The following ALG14 variants were observed in gnomAD, a reference collection of about 807,000 sequenced individuals.
The protein encoded by ALG14 is ALG14 UDP-N-acetylglucosaminyltransferase subunit.
Under a neutral mutation model 22.8 loss-of-function variants are expected in ALG14, and 17 were observed. That is an observed-to-expected ratio of 0.75 (90% CI 0.51 to 1.12). The LOEUF (loss-of-function observed/expected upper bound fraction) is 1.12, where lower values mean the gene tolerates loss of function less well. Among genes scored for constraint, ALG14 ranks in the 50% most tolerant of loss-of-function variants. The pLI is 0.00. For missense variants in ALG14, 288 were observed against 271.8 expected (o/e 1.06, Z -0.42); for synonymous variants, 89 against 103.7 (o/e 0.86, Z 0.86).
rs1164093808 is a variant in ALG14, at chr1:94,983,470, T to C, written c.421-164A>G. 3 of 634,234 alleles carry C rather than the reference T, an allele frequency of 4.7e-6. No homozygotes were observed. The South Asian group carries it at 5.9e-5, about 12-fold the overall frequency. 39.3% of individuals were successfully genotyped at this position (634,234 alleles called of 1,614,324 possible). On this transcript the variant is annotated intron_variant, in intron 3 of 3. Transcript: ENST00000370205. The stretch of plus-strand genomic sequence containing the variant: ...AGCAAACAGCGCATGTTTAAGCCCA[T>C]GCACTTTGGAGCCAGGCAGAGCTGT...
chr1:95,062,998 G>A (rs1675218905), intron 2 of ALG14, among the ~76,000 whole-genome samples: 1 of 152,196 alleles, frequency 6.6e-6, no homozygotes, highest in African/African-American at 2.4e-5. Context: ...CATTCTGAGT[G>A]GTGTGAGATG....
At chr1:95,072,665 T>TCCA (rs1039675679) in intron 1 of ALG14, 98 bp downstream of exon 1, 9 of 1,507,346 alleles carry the variant, frequency 6.0e-6, no homozygotes, top group African/African-American at 1.4e-5. Flanking sequence ...CATGCAACAC[T>TCCA]CCAAGAAGTG....
At chr1:95,053,326 T>A (rs1674817432) in intron 2 of ALG14, among the ~76,000 whole-genome samples, 1 of 152,144 alleles carries the variant, frequency 6.6e-6, no homozygotes, top group Non-Finnish European at 1.5e-5. Context: ...TCATAAATGA[T>A]TAAAAATAAT....
intron 3 of ALG14, among the ~76,000 whole-genome samples, chr1:94,989,833 G>A (rs1672730741): frequency 6.6e-6 from 1 of 152,192 alleles, no homozygotes; most frequent in South Asian, 2.1e-4. Context: ...AGCCAGAGTA[G>A]ATTTCTATAG....
intron 1 of ALG14, among the ~76,000 whole-genome samples, chr1:95,069,237 G>A (rs547757237): frequency 1.2e-3 from 176 of 152,254 alleles, no homozygotes; most frequent in African/African-American, 4.0e-3. Flanking sequence ...CCAGCTACTC[G>A]GGAGGCTGTC....
intron 3 of ALG14, among the ~76,000 whole-genome samples, chr1:95,017,454 G>A (rs775420107): frequency 2.0e-5 from 3 of 152,156 alleles, no homozygotes; most frequent in Non-Finnish European, 2.9e-5. Context: ...AATCTGATCG[G>A]GGCAGTTGGA....
At chr1:95,046,183 T>C (rs1462030004) in intron 2 of ALG14, among the ~76,000 whole-genome samples, 7 of 152,060 alleles carry the variant, frequency 4.6e-5, no homozygotes, top group Non-Finnish European at 1.0e-4. Flanking sequence ...AACTTCTAGG[T>C]GTACTTCAGA....
intron 2 of ALG14, among the ~76,000 whole-genome samples, chr1:95,039,981 T>C (rs1007153766): frequency 6.6e-6 from 1 of 151,934 alleles, no homozygotes; most frequent in African/African-American, 2.4e-5. Flanking sequence ...AAGACCAGGC[T>C]GGGCAACACG....
intron 3 of ALG14, among the ~76,000 whole-genome samples, chr1:94,995,136 GTTC>G (rs1672875714): frequency 1.3e-5 from 2 of 152,226 alleles, no homozygotes; most frequent in East Asian, 3.9e-4. Context: ...GGTCAACAGT[GTTC>G]TTTATTTTAT....
intron 3 of ALG14, among the ~76,000 whole-genome samples, chr1:95,014,195 G>T (rs1673442432): frequency 6.6e-6 from 1 of 152,184 alleles, no homozygotes; most frequent in South Asian, 2.1e-4. Context: ...TGACTGATCT[G>T]TTATTGATTT....
intron 2 of ALG14, among the ~76,000 whole-genome samples, chr1:95,033,296 T>C (rs1205720839): frequency 6.6e-6 from 1 of 151,758 alleles, no homozygotes; most frequent in South Asian, 2.1e-4. Context: ...TGGATTCCTA[T>C]AGACCAAGGA....
At position 94,978,361 on chromosome 1, in the gene ALG14, A is replaced by T. The variant is rs1228864406; in HGVS notation, c.*4715T>A. The T allele has an allele frequency of 6.6e-6, 1 of 152,190 alleles. No individual in the cohort carries two copies. Among genetic ancestry groups the T allele is most frequent in the Non-Finnish European group, 1.5e-5 (1 of 68,062 alleles). 9.4% of individuals were successfully genotyped at this position (152,190 alleles called of 1,614,324 possible). A position where few individuals can be genotyped will look rare whatever the true frequency, so the allele number is the denominator to read the frequency against. The stretch of plus-strand genomic sequence containing the variant: ...CAGGCGTGAGCCACCATGCCTGGCC[A>T]AATAATTTATGTATTTAATTAGTGC... On this transcript the variant is annotated 3_prime_UTR_variant, in exon 4 of 4. Transcript: ENST00000370205.
chr1:94,985,159 A>G (rs991760675), intron 3 of ALG14, among the ~76,000 whole-genome samples: 2 of 152,086 alleles, frequency 1.3e-5, no homozygotes, highest in African/African-American at 2.4e-5. Context: ...TTACTAGAAA[A>G]TGGGTAGGCT....
chr1:94,991,121 G>A lies in ALG14; in HGVS notation c.421-7815C>T, dbSNP rs146384370. Reference sequence around the variant, plus strand: ...AGTTTCCCCTGTCATGAATTCATTCGTTCAACAAATATTTTATTGAGCAAA... The same window carrying A: ...AGTTTCCCCTGTCATGAATTCATTCATTCAACAAATATTTTATTGAGCAAA... On this transcript the variant is annotated intron_variant, in intron 3 of 3. Coordinates refer to ENST00000370205, the MANE Select transcript of ALG14 (RefSeq NM_144988.4). Among the ~76,000 whole-genome samples the A allele has an allele frequency of 3.3e-3, 501 of 152,306 alleles. 1 individual carries two copies. The highest frequency in any genetic ancestry group is 0.011 in the African/African-American group (478 of 41,574).
At chr1:95,011,401 A>G (rs917519623) in intron 3 of ALG14, among the ~76,000 whole-genome samples, 1 of 151,994 alleles carries the variant, frequency 6.6e-6, no homozygotes, top group Non-Finnish European at 1.5e-5. Context: ...CCCAGACTCC[A>G]GGACTGTGAG....
chr1:95,067,556 C>T (rs931788613), intron 1 of ALG14: 1 of 138,036 alleles, frequency 7.2e-6, no homozygotes, highest in Admixed American at 7.5e-5. Flanking sequence ...TGGATTTTGT[C>T]TTCCATTTTA....
chr1:94,997,835 G>A (rs750447255), intron 3 of ALG14, among the ~76,000 whole-genome samples: 1 of 152,146 alleles, frequency 6.6e-6, no homozygotes. Flanking sequence ...AACTGAAGCG[G>A]GGAGGAGAAT....
chr1:95,036,145 T>C (rs1239612664), intron 2 of ALG14, among the ~76,000 whole-genome samples: 1 of 152,104 alleles, frequency 6.6e-6, no homozygotes, highest in East Asian at 1.9e-4. Flanking sequence ...GGGCCCCTGA[T>C]ATAGTTTGGT....
chr1:95,015,263 G>A (rs1227628959), intron 3 of ALG14, among the ~76,000 whole-genome samples: 2 of 152,112 alleles, frequency 1.3e-5, no homozygotes, highest in African/African-American at 4.8e-5. Context: ...TTTCCATCTG[G>A]TAGAACTAGC....
Sources: allele counts gnomAD v4.1 joint callset (sites outside exome capture counted in the v4.1 genomes callset), GRCh38; gene constraint gnomAD v4.1.1; transcripts MANE v1.5; gene names NCBI Gene and HGNC (gene_info 2026-07-23, HGNC 2026-07-21).